ANK3: variants seen among roughly 807,000 people sequenced by gnomAD.
The protein encoded by ANK3 is ankyrin-3.
ANK3 carries 57 observed loss-of-function variants against 370.9 expected under a neutral mutation model. The observed-to-expected ratio is 0.15, with a 90% CI of 0.12 to 0.19. The LOEUF (loss-of-function observed/expected upper bound fraction) is 0.19. Ranked by LOEUF, ANK3 falls within the 10% of genes least tolerant of loss-of-function variation. The probability of loss-of-function intolerance (pLI) is 1.00; values close to 1 mark genes in which losing one functional copy is unlikely to be tolerated. For synonymous variants in ANK3, 1,929 were observed against 1,946.3 expected (o/e 0.99, Z 0.23); for missense variants, 4,439 against 5,302.1 (o/e 0.84, Z 5.06).
At chr10:60,280,740 A>G (rs1170471998) in intron 1 of ANK3, among the ~76,000 whole-genome samples, 8 of 152,224 alleles carry the variant, frequency 5.3e-5, no homozygotes. Flanking sequence ...CATGCAGGGT[A>G]TGGCTTAAAA....
chr10:60,392,995 C>A (rs539040225), upstream of ANK3, among the ~76,000 whole-genome samples: 1 of 152,216 alleles, frequency 6.6e-6, no homozygotes, highest in South Asian at 2.1e-4. Flanking sequence ...TAAGTGACTT[C>A]CCTTTCTCAA....
chr10:60,384,809 C>T (rs1178492487), intron 1 of ANK3, among the ~76,000 whole-genome samples: 1 of 152,208 alleles, frequency 6.6e-6, no homozygotes, highest in African/African-American at 2.4e-5. Context: ...TCTTCCCCTT[C>T]AAGCCAGGAA....
rs921500244 is a variant in ANK3, at chr10:60,071,000, T to C, written c.9881A>G (p.Gln3294Arg). Residue 3294 changes from glutamine (Q) to arginine (R), a missense_variant, in exon 37 of 44, where the codon CAG becomes CGG. This residue lies in a region of ANK3 where 1,601 missense variants were observed against 1,731.7 expected (regional missense o/e 0.92). Transcript: ENST00000280772. This position sits in a 1 kb window ranked among gnomAD's most constrained non-coding sequence, Gnocchi z 5.7. ...VNLQDEHDKY[Q>R]LAEPVIRVQP... ...CACTCTAATGACAGGTTCAGCCAGCTGGTACTTGTCATGCTCATCTTGCAG... is the reference window on the plus strand; with the variant it reads ...CACTCTAATGACAGGTTCAGCCAGCCGGTACTTGTCATGCTCATCTTGCAG... 4 of 1,614,040 alleles carry C rather than the reference T, an allele frequency of 2.5e-6. No homozygotes were observed. In the Admixed American group the frequency reaches 6.7e-5, roughly 27 times the overall value.
At position 60,412,888 on chromosome 10, in the gene ANK3, A is replaced by T. The variant is rs573192929; in HGVS notation, c.97-133249T>A. 1.8e-3 allele frequency among the ~76,000 whole-genome samples: 279 copies of T among 152,330 alleles called. 13 individuals are homozygous for T. In the South Asian group the frequency reaches 0.055, roughly 30 times the overall value. ...CTAAAGCCACTTGAGGACAGAGTGCACACCTCATTTATCTTTTTATTCCCA... is the reference window on the plus strand; with the variant it reads ...CTAAAGCCACTTGAGGACAGAGTGCTCACCTCATTTATCTTTTTATTCCCA... On this transcript the variant is annotated intron_variant, in intron 2 of 43. Coordinates refer to the ANK3 transcript ENST00000373827.
intron 7 of ANK3, among the ~76,000 whole-genome samples, chr10:60,243,997 C>T (rs1169622902): frequency 1.3e-5 from 2 of 152,108 alleles, no homozygotes; most frequent in Non-Finnish European, 2.9e-5. Context: ...ACATGATCTA[C>T]ATGATAGAAT....
At chr10:60,626,628 G>A (rs2078414244) in intron 1 of ANK3, among the ~76,000 whole-genome samples, 1 of 152,100 alleles carries the variant, frequency 6.6e-6, no homozygotes. Context: ...TAAAGCCCTG[G>A]ATAGGTCTAT....
chr10:60,045,684 A>G (rs896660328), intron 42 of ANK3, among the ~76,000 whole-genome samples: 1 of 152,186 alleles, frequency 6.6e-6, no homozygotes, highest in Admixed American at 6.5e-5. Flanking sequence ...AAAATGGCCA[A>G]TCACAAAAAC....
intron 1 of ANK3, among the ~76,000 whole-genome samples, chr10:60,319,409 C>T (rs1296073678): frequency 2.0e-5 from 3 of 152,138 alleles, no homozygotes; most frequent in Admixed American, 6.5e-5. Context: ...TTCTCATTAA[C>T]GTAGTCTCCC....
chr10:60,514,386 G>A (rs1446797227), intron 2 of ANK3, among the ~76,000 whole-genome samples: 1 of 152,088 alleles, frequency 6.6e-6, no homozygotes, highest in Non-Finnish European at 1.5e-5. Context: ...AGCCAGTAAA[G>A]TTTAGGTATT....
At chr10:60,313,810 G>A (rs1236924764) in intron 1 of ANK3, among the ~76,000 whole-genome samples, 1 of 151,990 alleles carries the variant, frequency 6.6e-6, no homozygotes, top group African/African-American at 2.4e-5. Context: ...TCTAATTGAT[G>A]ACAATATCTC....
chr10:60,563,253 A>G (rs1395410350), intron 2 of ANK3, among the ~76,000 whole-genome samples: 1 of 152,174 alleles, frequency 6.6e-6, no homozygotes, highest in African/African-American at 2.4e-5. Context: ...CCAAACTGAA[A>G]ACTGCACTAC....
At chr10:60,234,233 A>C (rs911224864) in intron 8 of ANK3, among the ~76,000 whole-genome samples, 39 of 152,266 alleles carry the variant, frequency 2.6e-4, no homozygotes, top group African/African-American at 9.1e-4. Context: ...ATTATTTTGG[A>C]CATATACCCA....
At chr10:60,260,033 G>T (rs758904833) in intron 7 of ANK3, among the ~76,000 whole-genome samples, 1 of 152,110 alleles carries the variant, frequency 6.6e-6, no homozygotes, top group Admixed American at 6.6e-5. Flanking sequence ...GAAGGCTTTC[G>T]GCAAGCTCAT....
chr10:60,086,878 G>C lies in ANK3; in HGVS notation c.3547C>G (p.Pro1183Ala). Residue 1183 changes from proline to alanine, a missense_variant, in exon 30 of 44, where the codon CCT becomes GCT. Physicochemically the swap from Pro to Ala is conservative, Grantham distance 27. Coordinates refer to ENST00000280772, the MANE Select transcript of ANK3 (RefSeq NM_020987.5). The stretch of plus-strand genomic sequence containing the variant: ...TTTTTCACAATTTCATCTGGAACAG[G>C]CTGGGCCTAGAGACAGAGAAAGGAC... ...KRIRVGLQAQ[P>A]VPDEIVKKIL... 2 of 1,612,112 alleles carry C rather than the reference G, an allele frequency of 1.2e-6. No homozygotes were observed. Among genetic ancestry groups the C allele is most frequent in the Middle Eastern group, 1.7e-4 (1 of 6,046 alleles).
intron 23 of ANK3, among the ~76,000 whole-genome samples, chr10:60,153,138 A>G (rs534952374): frequency 6.6e-6 from 1 of 152,362 alleles, no homozygotes; most frequent in Non-Finnish European, 1.5e-5. Context: ...ATAGAAATGA[A>G]AATGAATGAA....
intron 1 of ANK3, among the ~76,000 whole-genome samples, chr10:60,327,314 A>G (rs561792571): frequency 1.3e-5 from 2 of 152,340 alleles, no homozygotes; most frequent in East Asian, 3.9e-4. Context: ...TGAGATAGGA[A>G]GGGGACAAGA....
chr10:60,390,940 G>A (rs921655983), upstream of ANK3, among the ~76,000 whole-genome samples: 1 of 152,186 alleles, frequency 6.6e-6, no homozygotes, highest in African/African-American at 2.4e-5. Context: ...CAAGTCCAAT[G>A]CATCATGTGA....
At position 60,494,287 on chromosome 10, in the gene ANK3, G is replaced by A. The variant is rs74500512; in HGVS notation, c.96+120899C>T. 1.1e-4 allele frequency among the ~76,000 whole-genome samples: 17 copies of A among 152,258 alleles called. No homozygotes were observed. In the East Asian group the frequency reaches 3.3e-3, roughly 29 times the overall value. ...AGAGATGGAAAAAAATCATTAGAAT[G>A]GAAATGGGAAAAGTGTGCTTTTATT... On this transcript the variant is annotated intron_variant, in intron 2 of 43. Transcript: ENST00000373827.
chr10:60,428,017 C>T (rs4478939), intron 2 of ANK3, among the ~76,000 whole-genome samples: 4,794 of 152,230 alleles, frequency 0.031, 262 homozygotes, highest in African/African-American at 0.11. Flanking sequence ...GTACCATAAC[C>T]TGTCTAGCCC....
Sources: gnomAD v4.1 joint callset for allele counts (sites outside exome capture counted in the v4.1 genomes callset) on GRCh38, gnomAD v4.1.1 for gene constraint, gnomAD v4.1.1 regional missense constraint, Gnocchi (gnomAD v3.1) non-coding constraint, MANE v1.5 for transcripts, NCBI Gene and HGNC (gene_info 2026-07-23, HGNC 2026-07-21) for gene names.